Variants in NLGN1 observed in about 807,000 individuals in gnomAD.
NLGN1 encodes neuroligin 1.
In NLGN1, 12 loss-of-function variants were observed where a neutral mutation model predicts 65.5. The observed-to-expected ratio is 0.18, with a 90% CI of 0.12 to 0.30. The LOEUF (loss-of-function observed/expected upper bound fraction) is 0.30, where lower values mean the gene tolerates loss of function less well. Among genes scored for constraint, NLGN1 ranks in the 10% least tolerant of loss-of-function variants. The probability of loss-of-function intolerance (pLI) is 1.00; values close to 1 mark genes in which losing one functional copy is unlikely to be tolerated. For missense variants in NLGN1, 750 were observed against 1,007.1 expected, an observed-to-expected ratio of 0.74 and a Z score of 3.46; for synonymous variants, 350 against 359.5, an observed-to-expected ratio of 0.97 and a Z score of 0.30.
chr3:174,102,504 A>G (rs1712769792), intron 4 of NLGN1, among the ~76,000 whole-genome samples: 2 of 152,174 alleles, frequency 1.3e-5, no homozygotes, highest in Non-Finnish European at 1.5e-5. Flanking sequence ...CAACCTTTCA[A>G]ACGCAAACAC....
chr3:173,531,320 A>G (rs553294390), intron 2 of NLGN1, among the ~76,000 whole-genome samples: 1 of 152,222 alleles, frequency 6.6e-6, no homozygotes, highest in East Asian at 1.9e-4. Flanking sequence ...AAAATAGTGT[A>G]TAAGCAAAAT....
chr3:173,972,803 A>G (rs1175138223), intron 4 of NLGN1, among the ~76,000 whole-genome samples: 4 of 152,052 alleles, frequency 2.6e-5, no homozygotes, highest in Non-Finnish European at 4.4e-5. Context: ...TCCCCAGGCT[A>G]GTAGCATCAA....
At chr3:174,001,150 G>A (rs1175182522) in intron 4 of NLGN1, among the ~76,000 whole-genome samples, 1 of 152,142 alleles carries the variant, frequency 6.6e-6, no homozygotes, top group Admixed American at 6.5e-5. Flanking sequence ...AGAAAGGGAA[G>A]AACAGATGAG....
exon 4 of NLGN1, chr3:173,807,683 T>C: frequency 1.2e-6 from 2 of 1,613,044 alleles, no homozygotes; most frequent in Non-Finnish European, 1.7e-6. Context: ...TTTCCAGATA[T>C]TCGGGACAGT....
chr3:174,147,260 A>G (rs988374422), intron 4 of NLGN1, among the ~76,000 whole-genome samples: 8 of 152,056 alleles, frequency 5.3e-5, no homozygotes, highest in Non-Finnish European at 7.4e-5. Context: ...CAGGAGACCA[A>G]TGAAAGTGAG....
chr3:174,285,451 G>T lies in NLGN1; in HGVS notation c.*4148G>T, dbSNP rs189460629. On this transcript the variant is annotated 3_prime_UTR_variant, in exon 7 of 7. Transcript: ENST00000457714. Reference sequence around the variant, plus strand: ...TTGTTATCATTCATTTGATTATCTTGTCAAGCTTTACTGTTACGACAAATG... The same window carrying T: ...TTGTTATCATTCATTTGATTATCTTTTCAAGCTTTACTGTTACGACAAATG... 5 of 151,380 alleles carry T rather than the reference G, an allele frequency of 3.3e-5. No individual in the cohort carries two copies. In the East Asian group the frequency reaches 9.7e-4, roughly 29 times the overall value. The allele number at this position is 151,380 out of a possible 1,614,324, so 9.4% of individuals were successfully genotyped here.
At chr3:174,054,296 C>T (rs1326443665) in intron 4 of NLGN1, among the ~76,000 whole-genome samples, 1 of 151,974 alleles carries the variant, frequency 6.6e-6, no homozygotes, top group African/African-American at 2.4e-5. Flanking sequence ...TCTTGCTATG[C>T]AGCAAATTAC....
chr3:173,497,525 A>G (rs532108171), intron 2 of NLGN1, among the ~76,000 whole-genome samples: 2 of 152,038 alleles, frequency 1.3e-5, no homozygotes, highest in African/African-American at 4.8e-5. Context: ...TTAAAATTAC[A>G]TACATATACA....
intron 4 of NLGN1, among the ~76,000 whole-genome samples, chr3:173,955,529 A>G (rs950566984): frequency 1.3e-5 from 2 of 152,172 alleles, no homozygotes; most frequent in African/African-American, 4.8e-5. Flanking sequence ...ATGCTTTGTT[A>G]TACAGAGATA....
intron 4 of NLGN1, among the ~76,000 whole-genome samples, chr3:173,879,388 T>A (rs900507206): frequency 6.6e-6 from 1 of 152,214 alleles, no homozygotes; most frequent in African/African-American, 2.4e-5. Context: ...CTGCTATTAA[T>A]CTCATCCACT....
At chr3:173,992,592 C>T (rs1392074237) in intron 4 of NLGN1, among the ~76,000 whole-genome samples, 1 of 152,038 alleles carries the variant, frequency 6.6e-6, no homozygotes, top group African/African-American at 2.4e-5. Flanking sequence ...GTAAAATAGG[C>T]TTATCTTTTT....
chr3:174,201,944 T>C (rs1310651318), intron 4 of NLGN1, among the ~76,000 whole-genome samples: 1 of 152,182 alleles, frequency 6.6e-6, no homozygotes, highest in Non-Finnish European at 1.5e-5. Flanking sequence ...AAATTTTCTT[T>C]CATGCATTTC....
intron 2 of NLGN1, among the ~76,000 whole-genome samples, chr3:173,535,967 A>G (rs911649420): frequency 1.3e-5 from 2 of 152,216 alleles, no homozygotes; most frequent in African/African-American, 4.8e-5. Flanking sequence ...ATGTGATAAA[A>G]CAAGAGAAAC....
intron 3 of NLGN1, among the ~76,000 whole-genome samples, chr3:173,725,790 C>T (rs1278738643): frequency 6.6e-6 from 1 of 152,136 alleles, no homozygotes; most frequent in Non-Finnish European, 1.5e-5. Context: ...GAAAGATCCA[C>T]TTCAAACTGC....
rs78410498 is a variant in NLGN1 at position 173,964,770 on chromosome 3, T to C, written c.646+156938T>C. 8.2e-3 allele frequency among the ~76,000 whole-genome samples: 1,246 copies of C among 152,320 alleles called. 20 individuals carry two copies. The highest frequency in any genetic ancestry group is 0.027 in the African/African-American group (1,130 of 41,558). ...GCATGATAGATTTATATATTTATGT[T>C]CTCAAATCTAAGTAACTATCATATT... On this transcript the variant is annotated intron_variant, in intron 4 of 6. Transcript: ENST00000457714.
At chr3:174,116,432 G>C (rs530953506) in intron 4 of NLGN1, among the ~76,000 whole-genome samples, 5 of 146,788 alleles carry the variant, frequency 3.4e-5, no homozygotes, top group Non-Finnish European at 5.9e-5. Context: ...CCACCTTGCA[G>C]GTTCAAGGGA....
chr3:174,077,061 A>T (rs528310818), intron 4 of NLGN1, among the ~76,000 whole-genome samples: 136 of 152,306 alleles, frequency 8.9e-4, no homozygotes, highest in African/African-American at 3.1e-3. Flanking sequence ...AAATAACTGG[A>T]CATTTAAAAC....
At position 174,280,463 on chromosome 3, in the gene NLGN1, T is replaced by C; in HGVS notation, c.1650-18T>C. 2.0e-6 allele frequency: 3 copies of C among 1,522,370 alleles called. No homozygotes were observed. The South Asian group carries it at 3.7e-5, about 19-fold the overall frequency. 94.3% of individuals were successfully genotyped at this position (1,522,370 alleles called of 1,614,324 possible). A position where few individuals can be genotyped will look rare whatever the true frequency, so the allele number is the denominator to read the frequency against. On this transcript the variant is annotated intron_variant, in intron 6 of 6. Transcript: ENST00000457714. The surrounding 1 kb of genome is among the most constrained non-coding windows in gnomAD (Gnocchi z 4.9). ...AATAAAATAGCTTTATTCTCATAAT[T>C]TATCTTTTCCTTCTTAGTGACCCAA...
chr3:173,464,582 T>G, intron 2 of NLGN1, among the ~76,000 whole-genome samples: 1 of 151,962 alleles, frequency 6.6e-6, no homozygotes, highest in East Asian at 1.9e-4. Flanking sequence ...ATTACAGGTG[T>G]GCACCACCAT....
Sources: allele counts gnomAD v4.1 joint callset (sites outside exome capture counted in the v4.1 genomes callset), GRCh38; gene constraint gnomAD v4.1.1; non-coding constraint Gnocchi (gnomAD v3.1); transcripts MANE v1.5; gene names NCBI Gene and HGNC (gene_info 2026-07-23, HGNC 2026-07-21).